Variants in RALGAPA1 observed in about 807,000 individuals in gnomAD.
RALGAPA1 encodes the protein Ral GTPase activating protein catalytic subunit alpha 1.
A neutral mutation model predicts 269.6 loss-of-function variants in RALGAPA1; 52 were observed. The observed-to-expected ratio is 0.19, with a 90% CI of 0.15 to 0.24. RALGAPA1 has a LOEUF of 0.24. RALGAPA1 is among the 10% of genes least tolerant of loss of function. The pLI is 1.00. For missense variants in RALGAPA1, 1,917 were observed against 3,013.9 expected (o/e 0.64, Z 8.52); for synonymous variants, 817 against 1,008.3 (o/e 0.81, Z 3.60).
intron 31 of RALGAPA1, among the ~76,000 whole-genome samples, chr14:35,636,207 T>C (rs1179309731): frequency 6.6e-6 from 1 of 152,162 alleles, no homozygotes; most frequent in African/African-American, 2.4e-5. Context: ...CCATCATGCC[T>C]GGATGGACAC....
At chr14:35,692,571 TAA>T (rs985611343) in intron 17 of RALGAPA1, among the ~76,000 whole-genome samples, 1 of 144,470 alleles carries the variant, frequency 6.9e-6, no homozygotes, top group Non-Finnish European at 1.5e-5. Flanking sequence ...GAAAGAGCTT[TAA>T]AAAAAAAAAA....
intron 31 of RALGAPA1, among the ~76,000 whole-genome samples, chr14:35,645,346 GGTGTGTGTGTGTGTGTGTGT>G (rs58039867): frequency 7.7e-6 from 1 of 129,486 alleles, no homozygotes; most frequent in Admixed American, 7.8e-5. Context: ...TATAGAGATG[GGTGTGTGTGTGTGTGTGTGT>G]GTGTGTGTGT....
At chr14:35,548,440 G>T in intron 41 of RALGAPA1, 68 bp downstream of exon 41, 1 of 1,077,604 alleles carries the variant, frequency 9.3e-7, no homozygotes, top group Non-Finnish European at 1.4e-6. Context: ...CAAGCTTAGA[G>T]CCTGCTAATT....
intron 35 of RALGAPA1, among the ~76,000 whole-genome samples, chr14:35,619,852 A>G (rs966915674): frequency 1.3e-5 from 2 of 152,220 alleles, no homozygotes; most frequent in African/African-American, 4.8e-5. Context: ...TAAGGCAATA[A>G]TTAATAGCCT....
rs1220706272 is a variant in RALGAPA1 at position 35,562,978 on chromosome 14, A to G, written c.7496+7639T>C. ...GGAGCTTGCAGTGAGCTGAGATAGC[A>G]CCACTGTACTCCAGCCTGGGCAACA... On this transcript the variant is annotated intron_variant, in intron 39 of 41. Coordinates refer to ENST00000680220, the MANE Select transcript of RALGAPA1 (RefSeq NM_001346249.2). 7.4e-5 allele frequency among the ~76,000 whole-genome samples: 10 copies of G among 134,838 alleles called. 1 individual carries two copies. The highest frequency in any genetic ancestry group is 1.4e-4 in the African/African-American group (5 of 35,896). 88.5% of individuals were successfully genotyped at this position (134,838 alleles called of 152,430 possible). A position where few individuals can be genotyped will look rare whatever the true frequency, so the allele number is the denominator to read the frequency against.
At chr14:35,795,440 T>C (rs1442639264) in intron 1 of RALGAPA1, among the ~76,000 whole-genome samples, 4 of 152,068 alleles carry the variant, frequency 2.6e-5, no homozygotes, top group East Asian at 1.9e-4. Flanking sequence ...TGCTGAAGTA[T>C]TGGAGGGAAC....
At chr14:35,658,519 T>C (rs1448512847) in intron 28 of RALGAPA1, among the ~76,000 whole-genome samples, 1 of 152,092 alleles carries the variant, frequency 6.6e-6, no homozygotes, top group Non-Finnish European at 1.5e-5. Flanking sequence ...ATATAAAATA[T>C]GACTTAATGT....
intron 36 of RALGAPA1, among the ~76,000 whole-genome samples, chr14:35,600,183 A>T (rs1432898332): frequency 3.6e-5 from 4 of 112,246 alleles, no homozygotes; most frequent in African/African-American, 7.0e-5. Flanking sequence ...TGCTCTGTTC[A>T]TTATTTTTAG....
At chr14:35,786,575 T>G (rs374712903) in intron 1 of RALGAPA1, among the ~76,000 whole-genome samples, 30 of 151,974 alleles carry the variant, frequency 2.0e-4, no homozygotes, top group Middle Eastern at 3.4e-3. Context: ...GAGGCAGAGG[T>G]TGCAGTGAGC....
chr14:35,730,993 C>T, intron 12 of RALGAPA1, among the ~76,000 whole-genome samples: 1 of 152,238 alleles, frequency 6.6e-6, no homozygotes. Context: ...TCACCTGCTG[C>T]CACCTCCACT....
At chr14:35,604,619 ACT>A (rs2139181210) in intron 36 of RALGAPA1, among the ~76,000 whole-genome samples, 1 of 152,072 alleles carries the variant, frequency 6.6e-6, no homozygotes, top group African/African-American at 2.4e-5. Context: ...TTGCTCATAT[ACT>A]CTCTATAGCA....
chr14:35,672,727 G>A (rs554168567), intron 25 of RALGAPA1, 140 bp downstream of exon 25: 1 of 756,444 alleles, frequency 1.3e-6, no homozygotes, highest in East Asian at 3.6e-5. Flanking sequence ...TCATAAAATT[G>A]AAGTAAATTG....
At chr14:35,702,649 A>G (rs1316642169) in intron 16 of RALGAPA1, among the ~76,000 whole-genome samples, 1 of 151,758 alleles carries the variant, frequency 6.6e-6, no homozygotes, top group African/African-American at 2.4e-5. Context: ...ACAAATACAT[A>G]TGCAAATCTT....
chr14:35,579,799 T>C (rs1262898988), intron 37 of RALGAPA1, among the ~76,000 whole-genome samples: 1 of 152,126 alleles, frequency 6.6e-6, no homozygotes, highest in Non-Finnish European at 1.5e-5. Context: ...TTCTATAAGA[T>C]TGTTATATTT....
At chr14:35,673,050 T>C in intron 24 of RALGAPA1, 28 bp from the exon 25 acceptor site, 1 of 1,385,348 alleles carries the variant, frequency 7.2e-7, no homozygotes, top group Non-Finnish European at 9.5e-7. Flanking sequence ...GTTTTAATGT[T>C]CAAAAAGAAA....
rs1299655757 is a variant in RALGAPA1, at chr14:35,611,681, G to A, written c.6930-5972C>T. ...GCCCAGGAGTTCCAGGCTGCAGTGA[G>A]CTCTGATCATGCCATTGCACTCTAG... On this transcript the variant is annotated intron_variant, in intron 35 of 41. Transcript: ENST00000680220. Among the ~76,000 whole-genome samples, 4 of 152,082 alleles carry A rather than the reference G, an allele frequency of 2.6e-5. No individual in the cohort carries two copies. In the East Asian group the frequency reaches 5.8e-4, roughly 22 times the overall value.
chr14:35,766,433 A>G (rs1395872005), intron 4 of RALGAPA1: 1 of 1,575,138 alleles, frequency 6.3e-7, no homozygotes, highest in Non-Finnish European at 8.7e-7. Flanking sequence ...TTTGGTCCAA[A>G]GCTGCTGACC....
At chr14:35,608,708 A>C (rs139663670) in intron 35 of RALGAPA1, among the ~76,000 whole-genome samples, 8 of 152,362 alleles carry the variant, frequency 5.3e-5, no homozygotes, top group African/African-American at 1.7e-4. Flanking sequence ...AAACAAAGAC[A>C]GAGCTGAAGG....
chr14:35,627,065 G>GAAAAAA, intron 34 of RALGAPA1, 25 bp downstream of exon 34: 1 of 997,188 alleles, frequency 1.0e-6, no homozygotes, highest in Non-Finnish European at 1.3e-6. Context: ...AAAAAAAAAA[G>GAAAAAA]AAAAAATTTC....
Sources: allele counts gnomAD v4.1 joint callset (sites outside exome capture counted in the v4.1 genomes callset), GRCh38; gene constraint gnomAD v4.1.1; transcripts MANE v1.5; gene names NCBI Gene and HGNC (gene_info 2026-07-23, HGNC 2026-07-21).